Variants in MLPH observed in about 807,000 individuals in gnomAD.
The protein encoded by MLPH is exophilin-3.
In MLPH, 51 loss-of-function variants were observed where a neutral mutation model predicts 72.1. That is an observed-to-expected ratio of 0.71 (90% CI 0.56 to 0.89). MLPH has a LOEUF of 0.89. Among genes scored for constraint, MLPH ranks in the 40% least tolerant of loss-of-function variants. The pLI is 0.00. For synonymous variants in MLPH, 301 were observed against 310.1 expected (o/e 0.97, Z 0.31); for missense variants, 743 against 759.9 (o/e 0.98, Z 0.26).
intron 1 of MLPH, among the ~76,000 whole-genome samples, chr2:237,491,395 C>T (rs1347736174): frequency 2.0e-5 from 3 of 152,232 alleles, no homozygotes; most frequent in Non-Finnish European, 4.4e-5. Flanking sequence ...CCCAAAGCGT[C>T]AGTGCCCAGA....
In MLPH at chr2:237,541,005, G is replaced by T. The variant is rs1195488802; in HGVS notation, c.1446+48G>T. ...GCACTGAGTTCCACAAACACAGATG[G>T]TGACCACACCCAGGCCTTGAACATC... On this transcript the variant is annotated intron_variant, in intron 11 of 15. Coordinates refer to ENST00000264605, the MANE Select transcript of MLPH (RefSeq NM_024101.7). The surrounding 1 kb of genome is among the most constrained non-coding windows in gnomAD (Gnocchi z 5.1). 1.3e-6 allele frequency: 2 copies of T among 1,565,846 alleles called. No homozygotes were observed. The highest frequency in any genetic ancestry group is 1.7e-6 in the Non-Finnish European group (2 of 1,155,638).
intron 2 of MLPH, among the ~76,000 whole-genome samples, chr2:237,504,331 C>T (rs2106482337): frequency 6.6e-6 from 1 of 152,342 alleles, no homozygotes; most frequent in East Asian, 1.9e-4. Flanking sequence ...ATTCTCCTGT[C>T]TCAGCCTCCC....
chr2:237,519,951 A>T lies in MLPH; in HGVS notation c.597A>T (p.Gly199=), dbSNP rs778939265. 6.2e-7 allele frequency: 1 copy of T among 1,613,940 alleles called. No individual in the cohort carries two copies. Among genetic ancestry groups the T allele is most frequent in the South Asian group, 1.1e-5 (1 of 91,062 alleles). Residue 199 remains glycine (G), a synonymous_variant, in exon 6 of 16, where the codon GGA becomes GGT. Coordinates refer to ENST00000264605, the MANE Select transcript of MLPH (RefSeq NM_024101.7). ...CCGTCCACGACTTCGACTTCGAGGG[A>T]GACTCAGATGACTCCACTCAGCCTC... ...LLSVHDFDFE[G]DSDDSTQPQG...
chr2:237,488,058 A>G (rs1414459556), intron 1 of MLPH, among the ~76,000 whole-genome samples: 1 of 151,908 alleles, frequency 6.6e-6, no homozygotes, highest in African/African-American at 2.4e-5. Flanking sequence ...ACAGGAACGG[A>G]ATCTCACTTG....
chr2:237,486,874 A>G (rs1435821593), upstream of MLPH: 5 of 152,280 alleles, frequency 3.3e-5, no homozygotes, highest in East Asian at 1.9e-4. Flanking sequence ...AAGCCGAAGT[A>G]CATAGCGCTT....
chr2:237,552,299 T>G, intron 14 of MLPH, 38 bp from the exon 15 acceptor site: 1 of 1,586,240 alleles, frequency 6.3e-7, no homozygotes, highest in South Asian at 1.1e-5. Flanking sequence ...AAGTATGTGA[T>G]TGATAAAGCA....
intron 1 of MLPH, among the ~76,000 whole-genome samples, chr2:237,492,893 A>G (rs1420699407): frequency 6.6e-6 from 1 of 152,216 alleles, no homozygotes; most frequent in Non-Finnish European, 1.5e-5. Flanking sequence ...GTCCCTGCCC[A>G]CACAGAGCCT....
chr2:237,510,069 T>C lies in MLPH; in HGVS notation c.111-505T>C. ...AAACTCGGATGGTCTAGGAGAACTGTAGACTTCCGGGTGCTAGATGATTCC... is the reference window on the plus strand; with the variant it reads ...AAACTCGGATGGTCTAGGAGAACTGCAGACTTCCGGGTGCTAGATGATTCC... On this transcript the variant is annotated intron_variant, in intron 2 of 15. Coordinates refer to ENST00000264605, the MANE Select transcript of MLPH (RefSeq NM_024101.7). This position sits in a 1 kb window ranked among gnomAD's most constrained non-coding sequence, Gnocchi z 4.4. The C allele has an allele frequency of 4.7e-6, 1 of 212,368 alleles. No homozygotes were observed. Among genetic ancestry groups the C allele is most frequent in the Non-Finnish European group, 9.5e-6 (1 of 104,930 alleles). The allele number at this position is 212,368 out of a possible 1,614,324, so 13.2% of individuals were successfully genotyped here. A position where few individuals can be genotyped will look rare whatever the true frequency, so the allele number is the denominator to read the frequency against.
At chr2:237,493,034 G>T (rs1307230673) in intron 1 of MLPH, among the ~76,000 whole-genome samples, 1 of 152,162 alleles carries the variant, frequency 6.6e-6, no homozygotes, top group East Asian at 1.9e-4. Context: ...CTCAGGAATG[G>T]CGCATTTCTC....
chr2:237,540,758 A>T, intron 10 of MLPH, 44 bp from the exon 11 acceptor site: 1 of 1,607,140 alleles, frequency 6.2e-7, no homozygotes, highest in South Asian at 1.1e-5. Flanking sequence ...GAAACCCCAC[A>T]CTCCCTCCTG....
intron 9 of MLPH, among the ~76,000 whole-genome samples, chr2:237,538,483 C>A (rs1195430016): frequency 6.6e-6 from 1 of 152,192 alleles, no homozygotes. Context: ...AGATAAAAAT[C>A]TCTCGGGTAA....
chr2:237,538,586 C>T (rs1158517494), intron 9 of MLPH, among the ~76,000 whole-genome samples: 1 of 152,222 alleles, frequency 6.6e-6, no homozygotes, highest in Non-Finnish European at 1.5e-5. Flanking sequence ...CTTTTAAGGC[C>T]GCTGAGGGGG....
chr2:237,502,604 T>C (rs1435379139), intron 2 of MLPH, among the ~76,000 whole-genome samples: 1 of 152,182 alleles, frequency 6.6e-6, no homozygotes, highest in Non-Finnish European at 1.5e-5. Context: ...TAGCCGGACT[T>C]GGGTGACTCA....
intron 6 of MLPH, among the ~76,000 whole-genome samples, chr2:237,523,939 T>C (rs1452728827): frequency 6.6e-6 from 1 of 152,110 alleles, no homozygotes; most frequent in Non-Finnish European, 1.5e-5. Flanking sequence ...GGCCTAGGGT[T>C]AAAATAGTTA....
intron 8 of MLPH, among the ~76,000 whole-genome samples, chr2:237,529,379 C>T (rs2080372706): frequency 6.6e-6 from 1 of 152,196 alleles, no homozygotes; most frequent in South Asian, 2.1e-4. Context: ...AGAAACTCTG[C>T]TCATAATACT....
rs1327305680 is a variant in MLPH, at chr2:237,551,536, C to T, written c.1676-801C>T. Among the ~76,000 whole-genome samples, 9 of 152,212 alleles carry T rather than the reference C, an allele frequency of 5.9e-5. No individual in the cohort carries two copies. In the South Asian group the frequency reaches 6.2e-4, roughly 11 times the overall value. On this transcript the variant is annotated intron_variant, in intron 14 of 15. Transcript: ENST00000264605. Reference sequence around the variant, plus strand: ...GAAGACATGCAAAAGTGAAGAAGGGCGGGTGCCTGCACCAGCCACCTGGAC... The same window carrying T: ...GAAGACATGCAAAAGTGAAGAAGGGTGGGTGCCTGCACCAGCCACCTGGAC...
chr2:237,510,731 A>C lies in MLPH; in HGVS notation c.268A>C (p.Lys90Gln), dbSNP rs1161717042. The change falls in exon 3 of 16, where the codon AAA becomes CAA. Residue 90 changes from lysine (K) to glutamine (Q), a missense_variant. Transcript: ENST00000264605. This position sits in a 1 kb window ranked among gnomAD's most constrained non-coding sequence, Gnocchi z 4.4. ...QCLECGLFTC[K>Q]SCGRVHPEEQ... ...CCTGGAATGTGGCCTCTTCACCTGCAAAAGCTGTGGCCGCGTCCACCCGGA... is the reference window on the plus strand; with the variant it reads ...CCTGGAATGTGGCCTCTTCACCTGCCAAAGCTGTGGCCGCGTCCACCCGGA... The C allele has an allele frequency of 1.2e-6, 2 of 1,613,712 alleles. No individual in the cohort carries two copies. Among genetic ancestry groups the C allele is most frequent in the East Asian group, 4.5e-5 (2 of 44,882 alleles).
chr2:237,494,954 G>A (rs1320234555), intron 2 of MLPH, among the ~76,000 whole-genome samples: 2 of 152,194 alleles, frequency 1.3e-5, no homozygotes, highest in East Asian at 1.9e-4. Context: ...GCAGGTCAGA[G>A]GTCCTAAAAT....
intron 14 of MLPH, among the ~76,000 whole-genome samples, chr2:237,551,693 G>A (rs1374029896): frequency 6.6e-6 from 1 of 152,154 alleles, no homozygotes; most frequent in African/African-American, 2.4e-5. Flanking sequence ...GGAAAGGCAA[G>A]GAAGCCAGGC....
Sources: allele counts gnomAD v4.1 joint callset (sites outside exome capture counted in the v4.1 genomes callset), GRCh38; gene constraint gnomAD v4.1.1; non-coding constraint Gnocchi (gnomAD v3.1); transcripts MANE v1.5; gene names NCBI Gene and HGNC (gene_info 2026-07-23, HGNC 2026-07-21).